Variants in ATF1 observed in about 807,000 individuals in gnomAD.
The protein encoded by ATF1 is activating transcription factor 1, also known as cyclic AMP-dependent transcription factor ATF-1.
Under a neutral mutation model 34.7 loss-of-function variants are expected in ATF1, and 16 were observed. The observed-to-expected ratio is 0.46, with a 90% CI of 0.31 to 0.70. The LOEUF is 0.70. Among genes scored for constraint, ATF1 ranks in the 30% least tolerant of loss-of-function variants. ATF1 has a pLI of 0.05. For missense variants in ATF1, 255 were observed against 321.6 expected (o/e 0.79, Z 1.58); for synonymous variants, 105 against 113.1 (o/e 0.93, Z 0.46).
intron 2 of ATF1, among the ~76,000 whole-genome samples, chr12:50,788,664 C>A (rs1167582808): frequency 6.6e-6 from 1 of 152,116 alleles, no homozygotes; most frequent in Non-Finnish European, 1.5e-5. Context: ...AATTTGCCTA[C>A]TTGATAAAAT....
chr12:50,784,177 A>G (rs1941133507), intron 2 of ATF1, among the ~76,000 whole-genome samples: 1 of 152,270 alleles, frequency 6.6e-6, no homozygotes, highest in Admixed American at 6.5e-5. Flanking sequence ...AAAAAGAAAA[A>G]AATTATGTAA....
intron 2 of ATF1, among the ~76,000 whole-genome samples, chr12:50,782,287 GCT>G (rs1941082080): frequency 6.6e-6 from 1 of 151,546 alleles, no homozygotes; most frequent in African/African-American, 2.4e-5. Context: ...ACAGTGTCTC[GCT>G]CTGTCGCCCA....
intron 3 of ATF1, among the ~76,000 whole-genome samples, chr12:50,796,934 G>A (rs1045822767): frequency 6.6e-6 from 1 of 152,146 alleles, no homozygotes; most frequent in African/African-American, 2.4e-5. Flanking sequence ...AAACGTGTCT[G>A]TGTAGCAAAG....
intron 4 of ATF1, among the ~76,000 whole-genome samples, chr12:50,810,784 C>T (rs1013306868): frequency 2.6e-5 from 4 of 152,254 alleles, no homozygotes; most frequent in Non-Finnish European, 5.9e-5. Context: ...CAACCACCAC[C>T]GCCTTGGTTT....
chr12:50,807,548 A>T (rs187499862), intron 3 of ATF1, among the ~76,000 whole-genome samples: 2 of 152,298 alleles, frequency 1.3e-5, no homozygotes, highest in East Asian at 3.9e-4. Flanking sequence ...TCCTGGAAGT[A>T]GAGGTTTTCA....
intron 2 of ATF1, among the ~76,000 whole-genome samples, chr12:50,790,835 T>C (rs1003551009): frequency 3.3e-5 from 5 of 152,058 alleles, no homozygotes; most frequent in Admixed American, 3.3e-4. Flanking sequence ...TCTTGGTTAC[T>C]ACATTTACAG....
chr12:50,815,160 G>A (rs1176035880), intron 6 of ATF1, among the ~76,000 whole-genome samples: 2 of 151,904 alleles, frequency 1.3e-5, no homozygotes, highest in African/African-American at 4.8e-5. Flanking sequence ...CAGCCTCAAG[G>A]CAGCCCCTAC....
chr12:50,782,817 G>C (rs1204919904), intron 2 of ATF1, among the ~76,000 whole-genome samples: 1 of 151,356 alleles, frequency 6.6e-6, no homozygotes, highest in Non-Finnish European at 1.5e-5. Flanking sequence ...ACCCTCCCGA[G>C]TAGCTGGGAA....
At chr12:50,776,470 G>A (rs1161522555) in intron 1 of ATF1, among the ~76,000 whole-genome samples, 8 of 145,926 alleles carry the variant, frequency 5.5e-5, no homozygotes, top group African/African-American at 2.0e-4. Context: ...TCCAGCCAGG[G>A]TCACAGAGCA....
chr12:50,767,472 A>G (rs1390605370), intron 1 of ATF1, among the ~76,000 whole-genome samples: 2 of 152,226 alleles, frequency 1.3e-5, no homozygotes, highest in Non-Finnish European at 2.9e-5. Flanking sequence ...GTGAGCCGAG[A>G]TCGTGCCACT....
At chr12:50,773,762 G>A (rs1302970760) in intron 1 of ATF1, among the ~76,000 whole-genome samples, 1 of 151,294 alleles carries the variant, frequency 6.6e-6, no homozygotes, top group Non-Finnish European at 1.5e-5. Flanking sequence ...GCTAATTTTT[G>A]TATTTTTAGT....
At position 50,819,912 on chromosome 12, in the gene ATF1, C is replaced by T. The variant is rs750138687; in HGVS notation, c.*133C>T. ...TTCCAAATCAAGGATAAATATCTTA[C>T]GCACGATATCTAGTGACAGAGGAGA... On this transcript the variant is annotated 3_prime_UTR_variant, in exon 7 of 7. Transcript: ENST00000262053. 119 of 746,910 alleles carry T rather than the reference C, an allele frequency of 1.6e-4. No homozygotes were observed. Among genetic ancestry groups the T allele is most frequent in the Non-Finnish European group, 2.2e-4 (105 of 483,760 alleles). The allele number at this position is 746,910 out of a possible 1,614,324, so 46.3% of individuals were successfully genotyped here.
At chr12:50,776,752 G>GA (rs1555199672) in intron 1 of ATF1, among the ~76,000 whole-genome samples, 1 of 151,888 alleles carries the variant, frequency 6.6e-6, no homozygotes, top group Non-Finnish European at 1.5e-5. Context: ...GGAACTTACA[G>GA]AAAAAAATCT....
chr12:50,816,219 C>T (rs758314698), intron 6 of ATF1, among the ~76,000 whole-genome samples: 1 of 151,722 alleles, frequency 6.6e-6, no homozygotes, highest in Non-Finnish European at 1.5e-5. Flanking sequence ...CCCAGCTACT[C>T]GGGAGGCTGA....
intron 6 of ATF1, among the ~76,000 whole-genome samples, chr12:50,819,058 C>T (rs1333172231): frequency 6.6e-6 from 1 of 152,112 alleles, no homozygotes; most frequent in African/African-American, 2.4e-5. Context: ...ACCAGAGGAC[C>T]CATAATTTCA....
intron 3 of ATF1, among the ~76,000 whole-genome samples, chr12:50,801,223 G>A (rs907692958): frequency 1.3e-5 from 2 of 152,106 alleles, no homozygotes; most frequent in South Asian, 4.1e-4. Flanking sequence ...GTTCTAATAT[G>A]GTGGTAAGGT....
chr12:50,786,223 G>C (rs1257751274), intron 2 of ATF1, among the ~76,000 whole-genome samples: 2 of 152,190 alleles, frequency 1.3e-5, no homozygotes, highest in Non-Finnish European at 2.9e-5. Flanking sequence ...ACTCCCCCAA[G>C]ATGCAGAAAG....
chr12:50,768,995 G>A (rs969307890), intron 1 of ATF1, among the ~76,000 whole-genome samples: 1 of 152,166 alleles, frequency 6.6e-6, no homozygotes, highest in Non-Finnish European at 1.5e-5. Flanking sequence ...TCCTAGGCTA[G>A]GCTCCACACC....
Position 50,814,310 on chromosome 12 carries a change from T to G in ATF1, c.542T>G (p.Ile181Ser). 1 of 1,614,198 alleles carries G rather than the reference T, an allele frequency of 6.2e-7. No individual in the cohort carries two copies. ...TASGDMQTYQIRTTPSATSLP... is the reference protein window; with the variant it reads ...TASGDMQTYQSRTTPSATSLP... ...TCAGGAGATATGCAAACATATCAGA[T>G]CCGAACTACACCTTCAGCTACTTCT... is the stretch of plus-strand genomic sequence containing the variant. The change falls in exon 6 of 7, where the codon ATC (isoleucine) becomes AGC (serine). Residue 181 changes from isoleucine (I) to serine (S), a missense_variant. Around this residue, in one of 2 missense-constraint regions of ATF1, gnomAD observed 221 missense variants for 250.7 expected, o/e 0.88. Coordinates refer to ENST00000262053, the MANE Select transcript of ATF1 (RefSeq NM_005171.5).
Sources: allele counts gnomAD v4.1 joint callset (sites outside exome capture counted in the v4.1 genomes callset), GRCh38; gene constraint gnomAD v4.1.1; regional missense constraint gnomAD v4.1.1; transcripts MANE v1.5; gene names NCBI Gene and HGNC (gene_info 2026-07-23, HGNC 2026-07-21).